Variants in FHIP1A observed in about 807,000 individuals in gnomAD.
FHIP1A encodes FHF complex subunit HOOK interacting protein 1A.
FHIP1A carries 61 observed loss-of-function variants against 88.6 expected under a neutral mutation model. The observed-to-expected ratio is 0.69, with a 90% CI of 0.56 to 0.85. The LOEUF is 0.85. FHIP1A is among the 40% of genes least tolerant of loss of function. The pLI is 0.00. For missense variants in FHIP1A, 1,154 were observed against 1,273.5 expected (o/e 0.91, Z 1.43); for synonymous variants, 478 against 496.0 (o/e 0.96, Z 0.48).
chr4:151,483,305 G>T (rs575804488), intron 3 of FHIP1A, among the ~76,000 whole-genome samples: 1 of 151,908 alleles, frequency 6.6e-6, no homozygotes, highest in East Asian at 1.9e-4. Context: ...TGATCTTCTT[G>T]TGGGGGTGGG....
At chr4:151,632,422 A>G (rs1416750539) in intron 8 of FHIP1A, among the ~76,000 whole-genome samples, 1 of 151,982 alleles carries the variant, frequency 6.6e-6, no homozygotes, top group Non-Finnish European at 1.5e-5. Flanking sequence ...AATAGTGGAT[A>G]AAAATATCAG....
At chr4:151,520,724 T>A (rs2126694336) in intron 3 of FHIP1A, among the ~76,000 whole-genome samples, 1 of 152,302 alleles carries the variant, frequency 6.6e-6, no homozygotes, top group Non-Finnish European at 1.5e-5. Flanking sequence ...GAGTGAGTAC[T>A]GTGACCAGCA....
At chr4:151,434,590 A>G (rs1375395879) in intron 1 of FHIP1A, among the ~76,000 whole-genome samples, 1 of 152,332 alleles carries the variant, frequency 6.6e-6, no homozygotes, top group South Asian at 2.1e-4. Context: ...TCCCAGGTGT[A>G]TGAATCATTG....
At chr4:151,586,171 G>A (rs1030171275) in intron 5 of FHIP1A, among the ~76,000 whole-genome samples, 10 of 152,114 alleles carry the variant, frequency 6.6e-5, no homozygotes, top group South Asian at 2.1e-4. Flanking sequence ...CAATGTATGT[G>A]ACTTTCTGTC....
chr4:151,524,343 C>G (rs1392449286), intron 3 of FHIP1A, among the ~76,000 whole-genome samples: 1 of 151,886 alleles, frequency 6.6e-6, no homozygotes, highest in Non-Finnish European at 1.5e-5. Context: ...TTCATGTGTC[C>G]TTGCCATCCC....
chr4:151,609,813 C>G (rs182212216), intron 7 of FHIP1A, among the ~76,000 whole-genome samples: 6 of 152,192 alleles, frequency 3.9e-5, no homozygotes, highest in African/African-American at 1.4e-4. Context: ...TCTATATCAC[C>G]TTGGCCTACA....
chr4:151,535,266 C>T (rs1732026200), intron 3 of FHIP1A, among the ~76,000 whole-genome samples: 1 of 152,124 alleles, frequency 6.6e-6, no homozygotes, highest in Admixed American at 6.5e-5. Flanking sequence ...ACACTGAAAA[C>T]CTAAAAGCAA....
rs1459218503 is a variant in FHIP1A at position 151,586,813 on chromosome 4, A to G, written c.891+14A>G. ...GCAGTCATACAGGTACCAGAGCACA[A>G]TAAAGGATCCCTTTGCTATGGCTTC... On this transcript the variant is annotated intron_variant, in intron 6 of 13. Transcript: ENST00000435205. 1.3e-6 allele frequency: 2 copies of G among 1,523,258 alleles called. No homozygotes were observed. The highest frequency in any genetic ancestry group is 2.0e-5 in the Admixed American group (1 of 50,494). The allele number at this position is 1,523,258 out of a possible 1,614,324, so 94.4% of individuals were successfully genotyped here. A position where few individuals can be genotyped will look rare whatever the true frequency, so the allele number is the denominator to read the frequency against.
intron 3 of FHIP1A, among the ~76,000 whole-genome samples, chr4:151,549,656 C>G (rs1008131166): frequency 6.6e-6 from 1 of 152,122 alleles, no homozygotes; most frequent in Non-Finnish European, 1.5e-5. Context: ...CAGCCACCCT[C>G]AGGGCTGCTC....
chr4:151,576,217 A>G (rs1733785819), intron 4 of FHIP1A, among the ~76,000 whole-genome samples: 1 of 152,194 alleles, frequency 6.6e-6, no homozygotes, highest in South Asian at 2.1e-4. Flanking sequence ...GAAGCTGACT[A>G]GGGCTGTGAG....
intron 2 of FHIP1A, among the ~76,000 whole-genome samples, chr4:151,459,241 C>G (rs967406382): frequency 6.6e-6 from 1 of 151,166 alleles, no homozygotes; most frequent in South Asian, 2.1e-4. Context: ...ACTTTTGTTC[C>G]TGAAAAAAAG....
chr4:151,644,953 A>G (rs1341294968), intron 9 of FHIP1A, among the ~76,000 whole-genome samples: 1 of 152,168 alleles, frequency 6.6e-6, no homozygotes, highest in Non-Finnish European at 1.5e-5. Flanking sequence ...TTACCAGAGC[A>G]TCTCTACTCA....
intron 2 of FHIP1A, among the ~76,000 whole-genome samples, chr4:151,472,665 GTT>G (rs1729566369): frequency 7.8e-6 from 1 of 128,642 alleles, no homozygotes; most frequent in Non-Finnish European, 1.6e-5. Flanking sequence ...TTGTCTTAAT[GTT>G]TACTCTGTCA....
chr4:151,623,486 C>A, intron 7 of FHIP1A, among the ~76,000 whole-genome samples: 1 of 129,922 alleles, frequency 7.7e-6, no homozygotes. Context: ...AAATTTTGTT[C>A]TTTTGCCACC....
intron 7 of FHIP1A, among the ~76,000 whole-genome samples, chr4:151,613,716 A>G (rs763160522): frequency 2.0e-5 from 3 of 152,214 alleles, no homozygotes; most frequent in Non-Finnish European, 2.9e-5. Flanking sequence ...CCTGGTGCAC[A>G]TCAGAAGCAA....
At chr4:151,476,232 C>T (rs990990003) in intron 2 of FHIP1A, among the ~76,000 whole-genome samples, 20 of 147,796 alleles carry the variant, frequency 1.4e-4, no homozygotes, top group Non-Finnish European at 2.8e-4. Flanking sequence ...GCCTCAAACT[C>T]CTGGGCTCAA....
At position 151,657,242 on chromosome 4, in the gene FHIP1A, C is replaced by T. The variant is rs543568365; in HGVS notation, c.2869+344C>T. On this transcript the variant is annotated intron_variant, in intron 13 of 13. Transcript: ENST00000435205. ...AGAAAGAGGCATTATATGCACTCTC[C>T]GAGCCATTTTTTTGGGCAGCCTGTT... 2.7e-4 allele frequency among the ~76,000 whole-genome samples: 41 copies of T among 152,162 alleles called. 1 individual carries two copies. The highest frequency in any genetic ancestry group is 2.5e-3 in the South Asian group (12 of 4,818).
chr4:151,584,627 G>T (rs1388475257), intron 5 of FHIP1A, among the ~76,000 whole-genome samples: 2 of 151,952 alleles, frequency 1.3e-5, no homozygotes, highest in Non-Finnish European at 2.9e-5. Context: ...TTAAGCATCA[G>T]CCCCACGTAT....
rs1449424246 is a variant in FHIP1A at position 151,664,632 on chromosome 4, C to G, written c.*1878C>G. Among the ~76,000 whole-genome samples, 2 of 152,228 alleles carry G rather than the reference C, an allele frequency of 1.3e-5. No homozygotes were observed. Among genetic ancestry groups the G allele is most frequent in the Non-Finnish European group, 2.9e-5 (2 of 68,046 alleles). On this transcript the variant is annotated 3_prime_UTR_variant, in exon 14 of 14. Coordinates refer to ENST00000435205, the MANE Select transcript of FHIP1A (RefSeq NM_001109977.3). ...GGTTGTATTTGCACAGCCCACAACTCTCCATTAGAAAAGAAGGTAGCTTAA... is the reference window on the plus strand; with the variant it reads ...GGTTGTATTTGCACAGCCCACAACTGTCCATTAGAAAAGAAGGTAGCTTAA...
Sources: gnomAD v4.1 joint callset for allele counts (sites outside exome capture counted in the v4.1 genomes callset) on GRCh38, gnomAD v4.1.1 for gene constraint, MANE v1.5 for transcripts, NCBI Gene and HGNC (gene_info 2026-07-23, HGNC 2026-07-21) for gene names.